PGD: variants seen among roughly 807,000 people sequenced by gnomAD.
PGD encodes the protein 6-phosphogluconate dehydrogenase, decarboxylating.
Under a neutral mutation model 60.4 loss-of-function variants are expected in PGD, and 21 were observed. The ratio of observed to expected loss-of-function variants is 0.35; its 90% CI spans 0.25 to 0.50. The LOEUF is 0.50. Among genes scored for constraint, PGD ranks in the 20% least tolerant of loss-of-function variants. PGD has a pLI of 0.98. For missense variants in PGD, 477 were observed against 613.1 expected (o/e 0.78, Z 2.34); for synonymous variants, 230 against 235.9 (o/e 0.97, Z 0.23).
Position 10,418,930 on chromosome 1 carries a change from G to A in PGD, c.1209+5G>A. The A allele has an allele frequency of 6.6e-7, 1 of 1,514,108 alleles. No homozygotes were observed. The highest frequency in any genetic ancestry group is 9.2e-7 in the Non-Finnish European group (1 of 1,089,028). 93.8% of individuals were successfully genotyped at this position (1,514,108 alleles called of 1,614,324 possible). On this transcript the variant is annotated splice_donor_5th_base_variant and intron_variant, in intron 11 of 12. Transcript: ENST00000270776. ...TCAGCTGTTGAAAACTGCCAGGTATGTAGCCTAGGGCTGGTGCCATGGTTA... is the reference window on the plus strand; with the variant it reads ...TCAGCTGTTGAAAACTGCCAGGTATATAGCCTAGGGCTGGTGCCATGGTTA...
Position 10,413,100 on chromosome 1 carries a change from C to G in PGD, c.693C>G (p.Phe231Leu). 6.2e-7 allele frequency: 1 copy of G among 1,614,098 alleles called. No homozygotes were observed. Among genetic ancestry groups the G allele is most frequent in the Non-Finnish European group, 8.5e-7 (1 of 1,179,948 alleles). ...GGAATAAGACAGAGCTAGACTCATT[C>G]CTGATTGAAATCACAGCCAATATTC... ...EDWNKTELDSFLIEITANILK... is the reference protein window; with the variant it reads ...EDWNKTELDSLLIEITANILK... Residue 231 changes from phenylalanine (F) to leucine (L), a missense_variant, in exon 8 of 13, where the codon TTC (phenylalanine) becomes TTG (leucine). Around this residue, in one of 3 missense-constraint regions of PGD, gnomAD observed 431 missense variants for 556.6 expected, o/e 0.77. Transcript: ENST00000270776.
rs368236513 is a variant in PGD, at chr1:10,411,540, C to T, written c.642C>T (p.Asp214=). 11 of 1,613,914 alleles carry T rather than the reference C, an allele frequency of 6.8e-6. No homozygotes were observed. The highest frequency in any genetic ancestry group is 2.2e-5 in the South Asian group (2 of 91,092). ...AAGACGTGCTGGGCATGGCGCAGGA[C>T]GAGATGGCCCAGGTGAGGCCCCGGC... ...LMKDVLGMAQ[D]EMAQAFEDWN... is the part of the protein sequence containing the mutation. The change falls in exon 7 of 13, where the codon GAC becomes GAT. Residue 214 remains aspartate, a synonymous_variant. Coordinates refer to ENST00000270776, the MANE Select transcript of PGD (RefSeq NM_002631.4).
At chr1:10,411,698 T>C in intron 7 of PGD, 146 bp downstream of exon 7, 1 of 833,182 alleles carries the variant, frequency 1.2e-6, no homozygotes, top group Admixed American at 2.2e-5. Flanking sequence ...CTGTTAGTAA[T>C]AGGCCTATAC....
rs2124217298 is a variant in PGD, at chr1:10,418,818, T to A, written c.1110-8T>A. On this transcript the variant is annotated splice_region_variant and splice_polypyrimidine_tract_variant and intron_variant, in intron 10 of 12. Transcript: ENST00000270776. ...CTCATTGCTTTTTTCCCCCCTTGAT[T>A]ATTTCAGTGTATTCCTAGGAAAGAT... The A allele has an allele frequency of 6.6e-7, 1 of 1,508,732 alleles. No individual in the cohort carries two copies. The highest frequency in any genetic ancestry group is 1.2e-5 in the South Asian group (1 of 85,172). The allele number at this position is 1,508,732 out of a possible 1,614,324, so 93.5% of individuals were successfully genotyped here. A position where few individuals can be genotyped will look rare whatever the true frequency, so the allele number is the denominator to read the frequency against.
rs560336478 is a variant in PGD at position 10,420,019 on chromosome 1, G to T, written c.*270G>T. 1 of 438,396 alleles carries T rather than the reference G, an allele frequency of 2.3e-6. No homozygotes were observed. The highest frequency in any genetic ancestry group is 4.2e-6 in the Non-Finnish European group (1 of 237,512). The allele number at this position is 438,396 out of a possible 1,614,324, so 27.2% of individuals were successfully genotyped here. A position where few individuals can be genotyped will look rare whatever the true frequency, so the allele number is the denominator to read the frequency against. On this transcript the variant is annotated 3_prime_UTR_variant, in exon 13 of 13. Transcript: ENST00000270776. Reference sequence around the variant, plus strand: ...TGCGGCAGTGGCTTCCGCGTGCCCCGTGTGCTGGTGCGGTTCCCATCACGC... The same window carrying T: ...TGCGGCAGTGGCTTCCGCGTGCCCCTTGTGCTGGTGCGGTTCCCATCACGC...
At position 10,400,346 on chromosome 1, in the gene PGD, A is replaced by C. The variant is rs1215467653; in HGVS notation, c.85-47A>C. ...ATTGTTACTTTGGCCACAGTCTGAA[A>C]GTCTTGTGTGTCCTGGATCTCCTAC... On this transcript the variant is annotated intron_variant, in intron 2 of 12. Coordinates refer to ENST00000270776, the MANE Select transcript of PGD (RefSeq NM_002631.4). The C allele has an allele frequency of 9.8e-6, 14 of 1,426,076 alleles. No individual in the cohort carries two copies. The Middle Eastern group carries it at 7.0e-4, about 71-fold the overall frequency. 88.3% of individuals were successfully genotyped at this position (1,426,076 alleles called of 1,614,324 possible).
At chr1:10,410,160 C>T (rs978781034) in intron 6 of PGD, among the ~76,000 whole-genome samples, 9 of 152,014 alleles carry the variant, frequency 5.9e-5, no homozygotes, top group African/African-American at 1.2e-4. Context: ...GCAATAGAAA[C>T]ATGGACAAGG....
Position 10,408,020 on chromosome 1 carries a change from CTCTCAGCCCG to C in PGD, c.450-46_450-37del, listed in dbSNP as rs780074940. The C allele has an allele frequency of 2.9e-6, 3 of 1,052,536 alleles. No individual in the cohort carries two copies. In the East Asian group the frequency reaches 7.1e-5, roughly 25 times the overall value. The allele number at this position is 1,052,536 out of a possible 1,614,324, so 65.2% of individuals were successfully genotyped here. On this transcript the variant is annotated intron_variant, in intron 5 of 12. Coordinates refer to ENST00000270776, the MANE Select transcript of PGD (RefSeq NM_002631.4). ...GTATGTTGGTGTCTATGGGTATGGG[CTCTCAGCCCG>C]TCTCTTCTCATTAACTGAACCACAC... is the stretch of plus-strand genomic sequence containing the variant.
At position 10,403,091 on chromosome 1, in the gene PGD, T is replaced by A; in HGVS notation, c.285T>A (p.Gly95=). 1 of 1,610,446 alleles carries A rather than the reference T, an allele frequency of 6.2e-7. No individual in the cohort carries two copies. The highest frequency in any genetic ancestry group is 2.2e-5 in the East Asian group (1 of 44,870). ...TACAGGTACCATTGTTGGATACTGG[T>A]GACATCATCATTGACGGAGGAAATT... ...IEKLVPLLDT[G]DIIIDGGNSE... is the part of the protein sequence containing the mutation. The change falls in exon 4 of 13, where the codon GGT becomes GGA. Residue 95 remains glycine (G), a synonymous_variant. Coordinates refer to ENST00000270776, the MANE Select transcript of PGD (RefSeq NM_002631.4).
At chr1:10,412,877 C>T (rs1639521809) in intron 7 of PGD, 185 bp from the exon 8 acceptor site, 1 of 562,386 alleles carries the variant, frequency 1.8e-6, no homozygotes, top group South Asian at 2.3e-5. Flanking sequence ...TAACCAGGTT[C>T]AGAACAAACA....
At chr1:10,413,304 G>A in intron 8 of PGD, 53 bp downstream of exon 8, 2 of 1,501,146 alleles carry the variant, frequency 1.3e-6, no homozygotes, top group South Asian at 1.2e-5. Context: ...TGATCTTGAT[G>A]TCTGGAGGAC....
chr1:10,400,120 T>C, intron 2 of PGD: 1 of 470,704 alleles, frequency 2.1e-6, no homozygotes, highest in South Asian at 3.1e-5. Flanking sequence ...AACCGGCCAG[T>C]TCCTGGATTT....
intron 3 of PGD, among the ~76,000 whole-genome samples, chr1:10,401,596 T>C (rs751365753): frequency 6.6e-6 from 1 of 152,164 alleles, no homozygotes; most frequent in Non-Finnish European, 1.5e-5. Context: ...ACTAAATTTT[T>C]TGTGTGGCAA....
chr1:10,418,263 C>T (rs1026742394), intron 10 of PGD, among the ~76,000 whole-genome samples: 6 of 152,116 alleles, frequency 3.9e-5, no homozygotes, highest in East Asian at 1.9e-4. Flanking sequence ...TTAGAAATAA[C>T]GCCAAGAATA....
At chr1:10,409,157 A>C (rs552817266) in intron 6 of PGD, among the ~76,000 whole-genome samples, 25 of 152,302 alleles carry the variant, frequency 1.6e-4, no homozygotes, top group African/African-American at 6.0e-4. Context: ...CAGCAATTTT[A>C]ATGTGAATTT....
chr1:10,411,981 A>G (rs1038293667), intron 7 of PGD, among the ~76,000 whole-genome samples: 2 of 152,214 alleles, frequency 1.3e-5, no homozygotes, highest in Non-Finnish European at 2.9e-5. Flanking sequence ...ATATTCAACC[A>G]TGCAGCACAG....
intron 8 of PGD, among the ~76,000 whole-genome samples, chr1:10,413,467 CTG>C (rs1639541899): frequency 6.6e-6 from 1 of 152,184 alleles, no homozygotes; most frequent in Non-Finnish European, 1.5e-5. Flanking sequence ...TTCGTACAAA[CTG>C]TGAGGTAAAT....
chr1:10,404,613 C>G (rs572751285), intron 5 of PGD, among the ~76,000 whole-genome samples: 1 of 151,700 alleles, frequency 6.6e-6, no homozygotes, highest in African/African-American at 2.4e-5. Context: ...AATTCTTGTG[C>G]GTCAGCCTCC....
chr1:10,405,748 A>G (rs908316000), intron 5 of PGD, among the ~76,000 whole-genome samples: 1 of 151,902 alleles, frequency 6.6e-6, no homozygotes, highest in Non-Finnish European at 1.5e-5. Flanking sequence ...AGGCACAAGA[A>G]TCACTTGAAC....
Sources: allele counts gnomAD v4.1 joint callset (sites outside exome capture counted in the v4.1 genomes callset), GRCh38; gene constraint gnomAD v4.1.1; regional missense constraint gnomAD v4.1.1; transcripts MANE v1.5; gene names NCBI Gene and HGNC (gene_info 2026-07-23, HGNC 2026-07-21).